The following AGBL1 variants were observed in gnomAD, a reference collection of about 807,000 sequenced individuals.
AGBL1 encodes cytosolic carboxypeptidase 4.
AGBL1 carries 130 observed loss-of-function variants against 118.9 expected under a neutral mutation model. The ratio of observed to expected loss-of-function variants is 1.09; its 90% CI spans 0.95 to 1.26. AGBL1 has a LOEUF of 1.26. Ranked by LOEUF, AGBL1 falls within the 50% of genes most tolerant of loss-of-function variation. The pLI is 0.00. For missense variants in AGBL1, 1,584 were observed against 1,298.1 expected, an observed-to-expected ratio of 1.22 and a Z score of -3.38; for synonymous variants, 555 against 478.9, an observed-to-expected ratio of 1.16 and a Z score of -2.08.
At chr15:86,506,184 C>A (rs1396299718) in intron 18 of AGBL1, among the ~76,000 whole-genome samples, 3 of 152,032 alleles carry the variant, frequency 2.0e-5, no homozygotes, top group Non-Finnish European at 4.4e-5. Context: ...TTGTTCAGAA[C>A]CTCAAGGTTT....
intron 17 of AGBL1, among the ~76,000 whole-genome samples, chr15:86,379,923 G>A (rs902558730): frequency 1.2e-4 from 18 of 152,192 alleles, no homozygotes; most frequent in African/African-American, 4.3e-4. Context: ...TCATAGCAGG[G>A]TGCTTCAAAA....
intron 22 of AGBL1, among the ~76,000 whole-genome samples, chr15:86,754,115 A>G (rs2077897822): frequency 6.6e-6 from 1 of 152,168 alleles, no homozygotes; most frequent in African/African-American, 2.4e-5. Context: ...TATTAGTAGA[A>G]GAGCTCTAAC....
intron 22 of AGBL1, among the ~76,000 whole-genome samples, chr15:86,764,071 G>A (rs1349133856): frequency 3.3e-5 from 5 of 151,646 alleles, no homozygotes; most frequent in Admixed American, 6.6e-5. Context: ...CTTTTCTAAT[G>A]GGGAAAGACA....
chr15:86,881,970 C>T (rs913424716), intron 22 of AGBL1, among the ~76,000 whole-genome samples: 1 of 152,172 alleles, frequency 6.6e-6, no homozygotes, highest in African/African-American at 2.4e-5. Context: ...CAGCGCCCAC[C>T]TCCAACACTG....
intron 23 of AGBL1, among the ~76,000 whole-genome samples, chr15:86,972,967 T>C (rs1485847709): frequency 1.3e-5 from 2 of 151,994 alleles, no homozygotes; most frequent in Non-Finnish European, 2.9e-5. Context: ...ATAAGCAGTA[T>C]AGCTCGGTGG....
chr15:86,359,387 C>CTTTTTTTTTTTTTTTTTTTTTTTTTT (rs56189861), intron 17 of AGBL1, among the ~76,000 whole-genome samples: 1 of 93,808 alleles, frequency 1.1e-5, no homozygotes, highest in Non-Finnish European at 2.1e-5. Context: ...TATTGGTTTT[C>CTTTTTTTTTTTTTTTTTTTTTTTTTT]TTTTTTTTTT....
intron 21 of AGBL1, among the ~76,000 whole-genome samples, chr15:86,591,454 T>G (rs1172008409): frequency 1.3e-5 from 2 of 152,210 alleles, no homozygotes; most frequent in Non-Finnish European, 2.9e-5. Flanking sequence ...CTTCCGGAAC[T>G]TCTGACCCAC....
At chr15:86,433,241 T>TCTCCTCCTCCTC (rs921701396) in intron 18 of AGBL1, among the ~76,000 whole-genome samples, 2 of 142,182 alleles carry the variant, frequency 1.4e-5, no homozygotes, top group East Asian at 4.7e-4. Flanking sequence ...TCCTCCTCCT[T>TCTCCTCCTCCTC]CTCCTCCTCC....
chr15:86,779,692 T>C (rs1266902103), intron 22 of AGBL1, among the ~76,000 whole-genome samples: 4 of 152,228 alleles, frequency 2.6e-5, no homozygotes, highest in Admixed American at 2.0e-4. Context: ...TTGTATCTCT[T>C]TTCTTTTTCA....
At chr15:87,005,624 C>T (rs2081490891) in intron 24 of AGBL1, among the ~76,000 whole-genome samples, 1 of 152,136 alleles carries the variant, frequency 6.6e-6, no homozygotes, top group Non-Finnish European at 1.5e-5. Context: ...ACTTCTTTGC[C>T]ATGGGTTCGA....
At chr15:86,867,516 G>A (rs1047123162) in intron 22 of AGBL1, among the ~76,000 whole-genome samples, 4 of 152,090 alleles carry the variant, frequency 2.6e-5, no homozygotes, top group East Asian at 1.9e-4. Flanking sequence ...TACACTGGAC[G>A]TGTTTAATTT....
At chr15:86,110,355 T>C (rs1209294921) in intron 1 of AGBL1, among the ~76,000 whole-genome samples, 1 of 152,248 alleles carries the variant, frequency 6.6e-6, no homozygotes, top group African/African-American at 2.4e-5. Flanking sequence ...TTGTATGTTA[T>C]ATGTATCGTA....
At chr15:86,479,428 C>T (rs901619682) in intron 18 of AGBL1, among the ~76,000 whole-genome samples, 1 of 152,150 alleles carries the variant, frequency 6.6e-6, no homozygotes, top group Non-Finnish European at 1.5e-5. Context: ...AGGATATGAA[C>T]AGACACTTCT....
intron 24 of AGBL1, among the ~76,000 whole-genome samples, chr15:86,991,022 A>T (rs2081331802): frequency 6.6e-6 from 1 of 152,172 alleles, no homozygotes; most frequent in South Asian, 2.1e-4. Context: ...TACATAATTT[A>T]TTCATTTGTT....
At chr15:86,842,655 C>A (rs2079262081) in intron 22 of AGBL1, among the ~76,000 whole-genome samples, 1 of 152,212 alleles carries the variant, frequency 6.6e-6, no homozygotes, top group African/African-American at 2.4e-5. Flanking sequence ...GAGTATGCTT[C>A]ATGCTGGTGG....
At chr15:86,265,066 C>T (rs1321424838) in intron 11 of AGBL1, among the ~76,000 whole-genome samples, 1 of 152,152 alleles carries the variant, frequency 6.6e-6, no homozygotes, top group African/African-American at 2.4e-5. Flanking sequence ...ATGAAAAATT[C>T]CTTGAGTAAT....
At chr15:86,897,421 C>G in intron 22 of AGBL1, among the ~76,000 whole-genome samples, 1 of 152,002 alleles carries the variant, frequency 6.6e-6, no homozygotes, top group Non-Finnish European at 1.5e-5. Flanking sequence ...TCTATTATAT[C>G]TTTAAACTAT....
At chr15:86,324,006 A>T (rs546593731) in intron 17 of AGBL1, among the ~76,000 whole-genome samples, 1 of 152,322 alleles carries the variant, frequency 6.6e-6, no homozygotes, top group African/African-American at 2.4e-5. Context: ...CACAGAGAAG[A>T]CTGTCAATAA....
intron 23 of AGBL1, among the ~76,000 whole-genome samples, chr15:86,956,337 G>C (rs1739272194): frequency 1.3e-5 from 2 of 152,016 alleles, no homozygotes; most frequent in Admixed American, 1.3e-4. Context: ...TGGATAGATA[G>C]ATAGATGATA....
Sources: allele counts gnomAD v4.1 joint callset (sites outside exome capture counted in the v4.1 genomes callset), GRCh38; gene constraint gnomAD v4.1.1; transcripts MANE v1.5; gene names NCBI Gene and HGNC (gene_info 2026-07-23, HGNC 2026-07-21).